Variants in MLLT10 observed in about 807,000 individuals in gnomAD.
MLLT10 encodes MLLT10 histone lysine methyltransferase DOT1L cofactor, also known as protein AF-10.
A neutral mutation model predicts 129.1 loss-of-function variants in MLLT10; 30 were observed. The ratio of observed to expected loss-of-function variants is 0.23; its 90% CI spans 0.17 to 0.32. The LOEUF (loss-of-function observed/expected upper bound fraction) is 0.32, where lower values mean the gene tolerates loss of function less well. Ranked by LOEUF, MLLT10 falls within the 10% of genes least tolerant of loss-of-function variation. The probability of loss-of-function intolerance (pLI) is 1.00; values close to 1 mark genes in which losing one functional copy is unlikely to be tolerated. For synonymous variants in MLLT10, 490 were observed against 446.4 expected (o/e 1.10, Z -1.23); for missense variants, 1,119 against 1,268.3 (o/e 0.88, Z 1.79).
At chr10:21,589,008 G>C (rs2042257490) in intron 4 of MLLT10, among the ~76,000 whole-genome samples, 1 of 151,678 alleles carries the variant, frequency 6.6e-6, no homozygotes, top group Non-Finnish European at 1.5e-5. Context: ...ATTTTTAGTA[G>C]AGATGGGATC....
chr10:21,557,176 A>T, intron 3 of MLLT10: 1 of 1,319,258 alleles, frequency 7.6e-7, no homozygotes. Flanking sequence ...TAGTTGATTC[A>T]CTTCTTCAAA....
intron 8 of MLLT10, among the ~76,000 whole-genome samples, chr10:21,636,569 C>A (rs968454650): frequency 5.3e-5 from 8 of 149,548 alleles, no homozygotes; most frequent in Non-Finnish European, 1.0e-4. Flanking sequence ...AATATGATTT[C>A]TTTTCTTTTC....
In MLLT10 at chr10:21,741,998, C is replaced by T. The variant is rs777318624; in HGVS notation, c.*15C>T. On this transcript the variant is annotated 3_prime_UTR_variant, in exon 23 of 23. Coordinates refer to ENST00000307729, the MANE Select transcript of MLLT10 (RefSeq NM_001195626.3). ...AGAAAAGTTGACACCTGAGAAACAT[C>T]TAGAAATTGCCTATCCTGCTGTTCT... The T allele has an allele frequency of 1.2e-6, 2 of 1,611,772 alleles. No homozygotes were observed. Among genetic ancestry groups the T allele is most frequent in the Middle Eastern group, 1.6e-4 (1 of 6,062 alleles).
At chr10:21,680,557 T>C (rs2052632676) in intron 11 of MLLT10, among the ~76,000 whole-genome samples, 1 of 152,200 alleles carries the variant, frequency 6.6e-6, no homozygotes, top group Admixed American at 6.5e-5. Flanking sequence ...TTAATGAGTT[T>C]TATGCTGCTA....
In MLLT10 at chr10:21,713,807, C is replaced by A. The variant is rs566885198; in HGVS notation, c.1735C>A (p.Pro579Thr). ...YNSNDVAVSF[P>T]NVVSGSGSST... ...CAGCAATGATGTAGCAGTATCGTTT[C>A]CAAATGTAGTATCTGGCTCGGGATC... The change falls in exon 14 of 23, where the codon CCA becomes ACA. Residue 579 changes from proline (P) to threonine (T), a missense_variant. Physicochemically the swap from Pro to Thr is conservative, Grantham distance 38. Coordinates refer to ENST00000307729, the MANE Select transcript of MLLT10 (RefSeq NM_001195626.3). 2.2e-5 allele frequency: 36 copies of A among 1,613,444 alleles called. No individual in the cohort carries two copies. The South Asian group carries it at 2.3e-4, about 10-fold the overall frequency.
chr10:21,620,534 G>T (rs1214473856), intron 8 of MLLT10, among the ~76,000 whole-genome samples: 1 of 152,178 alleles, frequency 6.6e-6, no homozygotes, highest in Non-Finnish European at 1.5e-5. Flanking sequence ...TGGGGTTATT[G>T]TAAGGTGAGG....
intron 5 of MLLT10, among the ~76,000 whole-genome samples, chr10:21,607,221 T>C (rs2044147192): frequency 6.6e-6 from 1 of 152,126 alleles, no homozygotes; most frequent in Non-Finnish European, 1.5e-5. Flanking sequence ...TAAAGCTCCA[T>C]TGCCCTCTTC....
At chr10:21,719,074 T>G (rs1046372028) in intron 14 of MLLT10, among the ~76,000 whole-genome samples, 4 of 152,256 alleles carry the variant, frequency 2.6e-5, no homozygotes, top group Non-Finnish European at 4.4e-5. Context: ...TGCAGATTTC[T>G]GTGACACTTT....
At chr10:21,688,311 C>T (rs1484878245) in intron 13 of MLLT10, among the ~76,000 whole-genome samples, 1 of 152,110 alleles carries the variant, frequency 6.6e-6, no homozygotes, top group Non-Finnish European at 1.5e-5. Flanking sequence ...TTACTACTCT[C>T]TTTATTTAGA....
At chr10:21,667,651 A>C (rs1411418873) in intron 9 of MLLT10, among the ~76,000 whole-genome samples, 1 of 151,992 alleles carries the variant, frequency 6.6e-6, no homozygotes, top group African/African-American at 2.4e-5. Context: ...TTTTATTTTA[A>C]TATTTTAACC....
intron 21 of MLLT10, chr10:21,738,609 C>T (rs745854640): frequency 1.6e-5 from 19 of 1,183,202 alleles, no homozygotes; most frequent in Non-Finnish European, 2.0e-5. Context: ...GACACTCTTG[C>T]TTGACTCTGC....
chr10:21,650,167 T>C (rs1167504523), intron 8 of MLLT10, among the ~76,000 whole-genome samples: 1 of 151,852 alleles, frequency 6.6e-6, no homozygotes, highest in Non-Finnish European at 1.5e-5. Context: ...ATCACACCAC[T>C]GCACTCTCAA....
intron 17 of MLLT10, 123 bp downstream of exon 17, chr10:21,731,177 A>T: frequency 1.1e-6 from 1 of 886,250 alleles, no homozygotes; most frequent in Admixed American, 2.6e-5. Flanking sequence ...ATTTTATATA[A>T]TACAGTGAGA....
intron 5 of MLLT10, among the ~76,000 whole-genome samples, chr10:21,602,878 C>T (rs1229037778): frequency 6.6e-6 from 1 of 151,608 alleles, no homozygotes; most frequent in Non-Finnish European, 1.5e-5. Context: ...TACAGGTGCC[C>T]TCCACCACGC....
chr10:21,655,634 G>C (rs960807812), intron 9 of MLLT10, among the ~76,000 whole-genome samples: 9 of 152,122 alleles, frequency 5.9e-5, no homozygotes, highest in African/African-American at 2.2e-4. Context: ...CTACCCTAAT[G>C]ATGAGACCTA....
In MLLT10 at chr10:21,625,104, C is replaced by T. The variant is rs569995533; in HGVS notation, c.699+7897C>T. On this transcript the variant is annotated intron_variant, in intron 8 of 22. Transcript: ENST00000307729. ...CATGCCATAGTAATCTGGAGGTTAG[C>T]CATATCCACCTCTCCCCCAACCTCT... 6.6e-6 allele frequency: 6 copies of T among 907,508 alleles called. No individual in the cohort carries two copies. In the East Asian group the frequency reaches 7.2e-5, roughly 11 times the overall value. The allele number at this position is 907,508 out of a possible 1,614,324, so 56.2% of individuals were successfully genotyped here. A position where few individuals can be genotyped will look rare whatever the true frequency, so the allele number is the denominator to read the frequency against.
intron 9 of MLLT10, 78 bp downstream of exon 9, chr10:21,651,846 A>G: frequency 2.5e-6 from 2 of 791,966 alleles, no homozygotes; most frequent in Non-Finnish European, 3.9e-6. Context: ...AACTGTTTTC[A>G]TTCCCTAACT....
intron 8 of MLLT10, among the ~76,000 whole-genome samples, chr10:21,621,180 G>A (rs1282222295): frequency 2.3e-5 from 3 of 128,278 alleles, no homozygotes; most frequent in Non-Finnish European, 4.8e-5. Flanking sequence ...TTTTTTAGTA[G>A]AGATGGGGTT....
At chr10:21,723,994 TA>T (rs2057307525) in intron 14 of MLLT10, among the ~76,000 whole-genome samples, 1 of 152,246 alleles carries the variant, frequency 6.6e-6, no homozygotes, top group Non-Finnish European at 1.5e-5. Flanking sequence ...AAAAAAATCT[TA>T]ACTGTATCTC....
Sources: allele counts gnomAD v4.1 joint callset (sites outside exome capture counted in the v4.1 genomes callset), GRCh38; gene constraint gnomAD v4.1.1; transcripts MANE v1.5; gene names NCBI Gene and HGNC (gene_info 2026-07-23, HGNC 2026-07-21).